The following MAPK10 variants were observed in gnomAD, a reference collection of about 807,000 sequenced individuals.
The protein encoded by MAPK10 is mitogen-activated protein kinase 10.
Under a neutral mutation model 59.3 loss-of-function variants are expected in MAPK10, and 25 were observed. That is an observed-to-expected ratio of 0.42 (90% CI 0.31 to 0.59). The LOEUF is 0.59. MAPK10 is among the 20% of genes least tolerant of loss of function. The pLI, the probability that MAPK10 is intolerant of heterozygous loss-of-function variation, is 0.15. For synonymous variants in MAPK10, 190 were observed against 200.5 expected, an observed-to-expected ratio of 0.95 and a Z score of 0.44; for missense variants, 351 against 568.9, an observed-to-expected ratio of 0.62 and a Z score of 3.90.
chr4:86,585,084 C>G (rs1459832538), intron 1 of MAPK10, among the ~76,000 whole-genome samples: 2 of 152,108 alleles, frequency 1.3e-5, no homozygotes, highest in Non-Finnish European at 2.9e-5. Context: ...CAAGAGAATG[C>G]TTATTGAAAG....
At position 86,172,964 on chromosome 4, in the gene MAPK10, G is replaced by GA. The variant is rs375168396; in HGVS notation, c.67-13498dup. 8.2e-3 allele frequency among the ~76,000 whole-genome samples: 1,247 copies of GA among 151,806 alleles called. 15 individuals are homozygous for GA. Among genetic ancestry groups the GA allele is most frequent in the African/African-American group, 0.029 (1,191 of 41,410 alleles). On this transcript the variant is annotated intron_variant, in intron 3 of 13. Coordinates refer to ENST00000641462, the MANE Select transcript of MAPK10 (RefSeq NM_138982.4). ...ACAAAACCACTGTTCAAAGAAATAA[G>GA]AGACAACACAAACAAATGGAAAAGT...
intron 2 of MAPK10, among the ~76,000 whole-genome samples, chr4:86,233,652 C>T (rs186146596): frequency 4.6e-5 from 7 of 152,198 alleles, no homozygotes; most frequent in Non-Finnish European, 8.8e-5. Context: ...CCATAGCCTC[C>T]GAGTGTGAGC....
At chr4:86,437,213 C>CAA (rs61312037) in intron 1 of MAPK10, among the ~76,000 whole-genome samples, 1,062 of 80,722 alleles carry the variant, frequency 0.013, 4 homozygotes, top group Non-Finnish European at 0.02. Flanking sequence ...GACTCTGTCT[C>CAA]AAAAAAAAAA....
At chr4:86,371,828 A>G (rs1339358596) in intron 1 of MAPK10, among the ~76,000 whole-genome samples, 1 of 152,138 alleles carries the variant, frequency 6.6e-6, no homozygotes, top group African/African-American at 2.4e-5. Context: ...GAACAAGAGA[A>G]CATGCCATGA....
At chr4:86,458,134 C>G (rs1190777438), upstream of MAPK10, 2 of 152,200 alleles carry the variant, frequency 1.3e-5, no homozygotes, top group African/African-American at 2.4e-5. Context: ...TCCGTCTCCA[C>G]TAAAAAAATA....
At chr4:86,381,230 T>C (rs1740660626) in intron 1 of MAPK10, among the ~76,000 whole-genome samples, 1 of 152,102 alleles carries the variant, frequency 6.6e-6, no homozygotes, top group African/African-American at 2.4e-5. Context: ...GCCTTACACA[T>C]GCATGCCTCC....
chr4:86,503,543 C>T (rs986704712), intron 1 of MAPK10, among the ~76,000 whole-genome samples: 4 of 152,114 alleles, frequency 2.6e-5, no homozygotes, highest in African/African-American at 2.4e-5. Context: ...GTAACCTCTC[C>T]ATTGCAATTC....
rs1056050108 is a variant in MAPK10 at position 86,070,344 on chromosome 4, CTTTCT to C, written c.803-2394_803-2390del. Among the ~76,000 whole-genome samples, 13 of 142,208 alleles carry C rather than the reference CTTTCT, an allele frequency of 9.1e-5. 1 individual carries two copies. Among genetic ancestry groups the C allele is most frequent in the African/African-American group, 3.4e-4 (12 of 35,446 alleles). 93.3% of individuals were successfully genotyped at this position (142,208 alleles called of 152,430 possible). On this transcript the variant is annotated intron_variant, in intron 9 of 13. Coordinates refer to ENST00000641462, the MANE Select transcript of MAPK10 (RefSeq NM_138982.4). ...CAATTTAGTTGAGCACATGATTTTT[CTTTCT>C]TTTTTTTTTTGTAGCACTTGAAGGG...
chr4:86,397,084 G>A (rs937764871), intron 1 of MAPK10, among the ~76,000 whole-genome samples: 1 of 151,754 alleles, frequency 6.6e-6, no homozygotes, highest in African/African-American at 2.4e-5. Flanking sequence ...AGCATGAACA[G>A]AATGAGGTAG....
At chr4:86,094,840 T>G (rs1020230960) in intron 9 of MAPK10, among the ~76,000 whole-genome samples, 3 of 151,862 alleles carry the variant, frequency 2.0e-5, no homozygotes, top group Non-Finnish European at 4.4e-5. Flanking sequence ...AAAAAAATAA[T>G]GGACTTGGCC....
intron 1 of MAPK10, among the ~76,000 whole-genome samples, chr4:86,425,720 C>T (rs1747190158): frequency 6.6e-6 from 1 of 152,178 alleles, no homozygotes; most frequent in African/African-American, 2.4e-5. Flanking sequence ...CGCCTGTAAT[C>T]CCAACACTTT....
At chr4:86,204,260 G>A (rs1430706974) in intron 2 of MAPK10, among the ~76,000 whole-genome samples, 1 of 151,854 alleles carries the variant, frequency 6.6e-6, no homozygotes, top group Admixed American at 6.6e-5. Context: ...CCAACCATAA[G>A]TATATAAATG....
chr4:86,231,645 G>C (rs1323348763), intron 2 of MAPK10, among the ~76,000 whole-genome samples: 1 of 151,940 alleles, frequency 6.6e-6, no homozygotes, highest in African/African-American at 2.4e-5. Context: ...CCTGGTGACA[G>C]AGCGAGACTC....
intron 1 of MAPK10, among the ~76,000 whole-genome samples, chr4:86,424,090 A>ATATG (rs1261860060): frequency 4.6e-5 from 7 of 152,128 alleles, no homozygotes; most frequent in Non-Finnish European, 8.8e-5. Flanking sequence ...CTATTAAATA[A>ATATG]TATGTATGGT....
chr4:86,300,794 T>C (rs1311225419), intron 2 of MAPK10: 1 of 151,758 alleles, frequency 6.6e-6, no homozygotes, highest in Non-Finnish European at 1.5e-5. Context: ...ACCGATAAGT[T>C]CAGACACTGG....
intron 4 of MAPK10, among the ~76,000 whole-genome samples, chr4:86,128,300 T>C (rs2060412680): frequency 6.6e-6 from 1 of 152,134 alleles, no homozygotes; most frequent in Non-Finnish European, 1.5e-5. Context: ...GGTTTGGCTG[T>C]GTCCCCGCCA....
chr4:86,238,672 C>T (rs2092475088), intron 2 of MAPK10, among the ~76,000 whole-genome samples: 1 of 152,140 alleles, frequency 6.6e-6, no homozygotes, highest in Non-Finnish European at 1.5e-5. Context: ...TAAAGGAATG[C>T]TTGTGATTTT....
At chr4:86,105,213 T>C (rs761223415) in intron 5 of MAPK10, among the ~76,000 whole-genome samples, 2 of 152,192 alleles carry the variant, frequency 1.3e-5, no homozygotes, top group Non-Finnish European at 2.9e-5. Flanking sequence ...ATTATTTTGC[T>C]CTTGCTTTGC....
chr4:86,423,770 C>CATATATATAT lies in MAPK10; in HGVS notation c.-122+29250_-122+29259dup, dbSNP rs539111577. ...ATAAGTAATTAGTGGGATATATATACATATATATATATATATATATATATA... is the reference window on the plus strand; with the variant it reads ...ATAAGTAATTAGTGGGATATATATACATATATATATATATATATATATATATATATATATA... On this transcript the variant is annotated intron_variant, in intron 1 of 13. Coordinates refer to the MAPK10 transcript ENST00000361569. Among the ~76,000 whole-genome samples, 389 of 91,580 alleles carry CATATATATAT rather than the reference C, an allele frequency of 4.2e-3. 4 individuals are homozygous for CATATATATAT. Among genetic ancestry groups the CATATATATAT allele is most frequent in the Middle Eastern group, 0.035 (6 of 172 alleles). The allele number at this position is 91,580 out of a possible 152,430, so 60.1% of individuals were successfully genotyped here. A position where few individuals can be genotyped will look rare whatever the true frequency, so the allele number is the denominator to read the frequency against.
Sources: allele counts gnomAD v4.1 joint callset (sites outside exome capture counted in the v4.1 genomes callset), GRCh38; gene constraint gnomAD v4.1.1; transcripts MANE v1.5; gene names NCBI Gene and HGNC (gene_info 2026-07-23, HGNC 2026-07-21).